Variants in TCP11L2 observed in about 807,000 individuals in gnomAD.
TCP11L2 encodes T-complex protein 11-like protein 2.
In TCP11L2, 39 loss-of-function variants were observed where a neutral mutation model predicts 50.7. The observed-to-expected ratio is 0.77, with a 90% CI of 0.60 to 1.01. TCP11L2 has a LOEUF of 1.01. TCP11L2 is among the 50% of genes least tolerant of loss of function. The pLI, the probability that TCP11L2 is intolerant of heterozygous loss-of-function variation, is 0.00. For missense variants in TCP11L2, 612 were observed against 614.7 expected, an observed-to-expected ratio of 1.00 and a Z score of 0.05; for synonymous variants, 192 against 219.3, an observed-to-expected ratio of 0.88 and a Z score of 1.10.
At position 106,313,398 on chromosome 12, in the gene TCP11L2, T is replaced by C. The variant is rs573443968; in HGVS notation, c.158-960T>C. On this transcript the variant is annotated intron_variant, in intron 2 of 9. Transcript: ENST00000299045. The stretch of plus-strand genomic sequence containing the variant: ...GAGTTCGAGACCAGCCTGGCCAACA[T>C]GGCGAAACACCGTCTCTAATAAAAA... 5.1e-4 allele frequency among the ~76,000 whole-genome samples: 77 copies of C among 152,204 alleles called. No individual in the cohort carries two copies. The East Asian group carries it at 0.015, about 29-fold the overall frequency.
At chr12:106,313,613 A>ATAAT (rs2034944876) in intron 2 of TCP11L2, among the ~76,000 whole-genome samples, 1 of 150,886 alleles carries the variant, frequency 6.6e-6, no homozygotes, top group Non-Finnish European at 1.5e-5. Flanking sequence ...AAATAAATAA[A>ATAAT]TAAATATTAC....
chr12:106,326,651 G>A (rs567831414), intron 6 of TCP11L2, among the ~76,000 whole-genome samples: 5 of 152,250 alleles, frequency 3.3e-5, no homozygotes, highest in South Asian at 4.1e-4. Flanking sequence ...TGAGGTTAAG[G>A]TACTTAGTCT....
At chr12:106,343,839 A>C (rs2036158361) in intron 9 of TCP11L2, among the ~76,000 whole-genome samples, 1 of 151,616 alleles carries the variant, frequency 6.6e-6, no homozygotes, top group Admixed American at 6.6e-5. Flanking sequence ...TTGTATTCTT[A>C]GTAGAGACGG....
At chr12:106,313,323 A>G (rs2136644920) in intron 2 of TCP11L2, among the ~76,000 whole-genome samples, 1 of 152,200 alleles carries the variant, frequency 6.6e-6, no homozygotes, top group Middle Eastern at 3.4e-3. Flanking sequence ...GGTGGCTTAC[A>G]CCTGTAATCC....
In TCP11L2 at chr12:106,346,417, A is replaced by G. The variant is rs767881017; in HGVS notation, c.1447A>G (p.Ile483Val). 1.9e-6 allele frequency: 3 copies of G among 1,614,100 alleles called. No homozygotes were observed. The highest frequency in any genetic ancestry group is 2.5e-6 in the Non-Finnish European group (3 of 1,180,040). Residue 483 changes from isoleucine (I) to valine (V), a missense_variant, in exon 10 of 10, where the codon ATT becomes GTT. Physicochemically the swap from Ile to Val is conservative, Grantham distance 29 (BLOSUM62 3). Coordinates refer to ENST00000299045, the MANE Select transcript of TCP11L2 (RefSeq NM_152772.3). ...AGCCCTAGGCTCTCAATATGCAAAC[A>G]TTGTGAATCTCAACAAACAAGTGTA... ...LEALGSQYAN[I>V]VNLNKQVYGP...
Position 106,344,487 on chromosome 12 carries a change from C to T in TCP11L2, c.1316-1799C>T, listed in dbSNP as rs149792594. Among the ~76,000 whole-genome samples the T allele has an allele frequency of 9.9e-5, 15 of 152,128 alleles. 1 individual carries two copies. The South Asian group carries it at 1.2e-3, about 13-fold the overall frequency. ...CACAGAAAGGAGGTAACTTTTGGCA[C>T]GACATTGAAGGATGCCTCTGATTCT... On this transcript the variant is annotated intron_variant, in intron 9 of 9. Transcript: ENST00000299045.
chr12:106,340,394 G>A (rs1592980514), intron 8 of TCP11L2, among the ~76,000 whole-genome samples: 1 of 152,148 alleles, frequency 6.6e-6, no homozygotes, highest in Non-Finnish European at 1.5e-5. Context: ...TTTTTGATTG[G>A]TGTTATAGAT....
intron 4 of TCP11L2, among the ~76,000 whole-genome samples, chr12:106,319,176 G>T (rs1348085328): frequency 6.6e-6 from 1 of 152,196 alleles, no homozygotes; most frequent in African/African-American, 2.4e-5. Flanking sequence ...CTCCCAGAGT[G>T]CTGGGATTAC....
chr12:106,346,210 C>A, intron 9 of TCP11L2, 76 bp from the exon 10 acceptor site: 1 of 1,451,576 alleles, frequency 6.9e-7, no homozygotes, highest in Non-Finnish European at 9.3e-7. Flanking sequence ...CAACCTACTA[C>A]AATTACTTGT....
At chr12:106,336,900 A>G (rs2035941098) in intron 8 of TCP11L2, among the ~76,000 whole-genome samples, 1 of 152,068 alleles carries the variant, frequency 6.6e-6, no homozygotes, top group South Asian at 2.1e-4. Context: ...TCACAAATCC[A>G]CCTTGCTACG....
rs575727891 is a variant in TCP11L2 at position 106,326,780 on chromosome 12, G to T, written c.772+3134G>T. Reference sequence around the variant, plus strand: ...TTCAAACAAGATATCAACTGTGGGGGATATTGCAGAGGGATCTCTCACATC... The same window carrying T: ...TTCAAACAAGATATCAACTGTGGGGTATATTGCAGAGGGATCTCTCACATC... On this transcript the variant is annotated intron_variant, in intron 6 of 9. Transcript: ENST00000299045. Among the ~76,000 whole-genome samples, 8 of 152,284 alleles carry T rather than the reference G, an allele frequency of 5.3e-5. No homozygotes were observed. The East Asian group carries it at 1.4e-3, about 26-fold the overall frequency.
intron 6 of TCP11L2, among the ~76,000 whole-genome samples, chr12:106,327,070 A>G (rs1469697261): frequency 1.3e-5 from 2 of 152,214 alleles, no homozygotes; most frequent in Non-Finnish European, 1.5e-5. Context: ...AAATGCACCC[A>G]TATCTTTCAT....
rs373569905 is a variant in TCP11L2 at position 106,346,449 on chromosome 12, A to G, written c.1479A>G (p.Pro493=). ...ATCTCAACAAACAAGTGTATGGACC[A>G]TTTTATGCAAATATACTTCGAAAGC... ...IVNLNKQVYG[P]FYANILRKLL... The change falls in exon 10 of 10, where the codon CCA becomes CCG. Residue 493 remains proline (P), a synonymous_variant. Transcript: ENST00000299045. 29 of 1,614,076 alleles carry G rather than the reference A, an allele frequency of 1.8e-5. No homozygotes were observed. The highest frequency in any genetic ancestry group is 1.5e-4 in the African/African-American group (11 of 74,940).
intron 8 of TCP11L2, among the ~76,000 whole-genome samples, chr12:106,337,400 T>C (rs1293432398): frequency 1.3e-5 from 2 of 152,252 alleles, no homozygotes; most frequent in East Asian, 1.9e-4. Flanking sequence ...AGCCCTGATC[T>C]GACCTTTCTC....
intron 9 of TCP11L2, among the ~76,000 whole-genome samples, chr12:106,345,091 C>T (rs1224900752): frequency 6.6e-6 from 1 of 152,126 alleles, no homozygotes; most frequent in African/African-American, 2.4e-5. Context: ...GCCTCATGAG[C>T]TCAGGCAGTC....
intron 6 of TCP11L2, among the ~76,000 whole-genome samples, chr12:106,328,786 A>G (rs2035643668): frequency 6.6e-6 from 1 of 152,240 alleles, no homozygotes; most frequent in Admixed American, 6.5e-5. Context: ...CCAAAATGTC[A>G]GAAATCAGAA....
rs768434623 is a variant in TCP11L2 at position 106,323,637 on chromosome 12, G to A, written c.763G>A (p.Glu255Lys). ...AACCAAGTTCCAGGAAATTTTGGAAGAAACTCCAAGTGAGTATAATATAAT... is the reference window on the plus strand; with the variant it reads ...AACCAAGTTCCAGGAAATTTTGGAAAAAACTCCAAGTGAGTATAATATAAT... ...ERTKFQEILE[E>K]TPSALDQTTE... The change falls in exon 6 of 10, where the codon GAA becomes AAA. Residue 255 changes from glutamate to lysine, a missense_variant. By Grantham distance (56) the Glu-to-Lys change is moderately conservative. Coordinates refer to ENST00000299045, the MANE Select transcript of TCP11L2 (RefSeq NM_152772.3). The A allele has an allele frequency of 4.4e-6, 7 of 1,598,660 alleles. No homozygotes were observed. The highest frequency in any genetic ancestry group is 1.1e-5 in the South Asian group (1 of 88,508).
At chr12:106,336,614 G>A (rs558965334) in intron 8 of TCP11L2, among the ~76,000 whole-genome samples, 55 of 143,786 alleles carry the variant, frequency 3.8e-4, no homozygotes, top group Non-Finnish European at 5.4e-4. Context: ...GTGCAGTGGC[G>A]CAATCTCAGC....
rs760318985 is a variant in TCP11L2 at position 106,318,428 on chromosome 12, T to C, written c.378T>C (p.Phe126=). 6.8e-6 allele frequency: 11 copies of C among 1,614,094 alleles called. No individual in the cohort carries two copies. Among genetic ancestry groups the C allele is most frequent in the Non-Finnish European group, 8.5e-6 (10 of 1,179,938 alleles). The change falls in exon 4 of 10, where the codon TTT becomes TTC. Residue 126 remains phenylalanine (F), a synonymous_variant. Transcript: ENST00000299045. ...DSELNADPPE[F]EHAIKLFEEI... ...AACTAAATGCTGACCCTCCTGAGTT[T>C]GAACATGCCATCAAACTGTTTGAAG...
Sources: gnomAD v4.1 joint callset for allele counts (sites outside exome capture counted in the v4.1 genomes callset) on GRCh38, gnomAD v4.1.1 for gene constraint, MANE v1.5 for transcripts, NCBI Gene and HGNC (gene_info 2026-07-23, HGNC 2026-07-21) for gene names.